Variants in GULP1 observed in about 807,000 individuals in gnomAD.
The protein encoded by GULP1 is PTB domain-containing engulfment adapter protein 1.
GULP1 carries 19 observed loss-of-function variants against 40.9 expected under a neutral mutation model. The observed-to-expected ratio is 0.46, with a 90% CI of 0.32 to 0.68. The LOEUF is 0.68. Ranked by LOEUF, GULP1 falls within the 30% of genes least tolerant of loss-of-function variation. The pLI, the probability that GULP1 is intolerant of heterozygous loss-of-function variation, is 0.03. For synonymous variants in GULP1, 119 were observed against 117.6 expected, an observed-to-expected ratio of 1.01 and a Z score of -0.08; for missense variants, 312 against 362.2, an observed-to-expected ratio of 0.86 and a Z score of 1.12.
At chr2:188,583,882 G>A (rs925822078) in intron 9 of GULP1, among the ~76,000 whole-genome samples, 12 of 152,072 alleles carry the variant, frequency 7.9e-5, no homozygotes, top group African/African-American at 2.7e-4. Flanking sequence ...CTTATGCAGC[G>A]TATCTTACTG....
intron 2 of GULP1, among the ~76,000 whole-genome samples, chr2:188,454,396 G>A (rs140697815): frequency 3.0e-4 from 46 of 152,286 alleles, no homozygotes; most frequent in African/African-American, 1.1e-3. Flanking sequence ...CCACTCAAAG[G>A]TGGGCATGAC....
chr2:188,429,601 A>T (rs1305101405), intron 2 of GULP1, among the ~76,000 whole-genome samples: 1 of 152,226 alleles, frequency 6.6e-6, no homozygotes, highest in Non-Finnish European at 1.5e-5. Context: ...AGCACAAAGT[A>T]GTTTGGTTAA....
intron 7 of GULP1, among the ~76,000 whole-genome samples, chr2:188,547,926 T>A (rs899205804): frequency 6.6e-6 from 1 of 151,946 alleles, no homozygotes. Flanking sequence ...TAAAAGAGAA[T>A]GAACACACAC....
At chr2:188,389,956 CTT>C (rs879579451) in intron 2 of GULP1, among the ~76,000 whole-genome samples, 3 of 145,548 alleles carry the variant, frequency 2.1e-5, no homozygotes, top group Admixed American at 6.9e-5. Flanking sequence ...TTATTTCATC[CTT>C]TTTTTTTTTT....
At chr2:188,403,758 T>A (rs1310425194) in intron 2 of GULP1, among the ~76,000 whole-genome samples, 1 of 152,160 alleles carries the variant, frequency 6.6e-6, no homozygotes, top group East Asian at 1.9e-4. Context: ...AGGCTCCTGA[T>A]TTTTGGAATA....
chr2:188,462,059 C>A (rs1051271101), intron 2 of GULP1, among the ~76,000 whole-genome samples: 2 of 152,010 alleles, frequency 1.3e-5, no homozygotes, highest in African/African-American at 2.4e-5. Flanking sequence ...GTTGGAGTCA[C>A]TTACAGCTAT....
At chr2:188,471,760 T>C (rs1197544817) in intron 2 of GULP1, among the ~76,000 whole-genome samples, 2 of 152,210 alleles carry the variant, frequency 1.3e-5, no homozygotes, top group Non-Finnish European at 2.9e-5. Flanking sequence ...GTTATTATTT[T>C]TGATTGTTTC....
chr2:188,552,680 G>A (rs1693766960), intron 7 of GULP1, among the ~76,000 whole-genome samples: 1 of 151,586 alleles, frequency 6.6e-6, no homozygotes, highest in South Asian at 2.1e-4. Context: ...GATAGGCATT[G>A]CATTGAATCT....
intron 1 of GULP1, among the ~76,000 whole-genome samples, chr2:188,371,499 C>T (rs72909549): frequency 0.011 from 1,733 of 152,170 alleles, 14 homozygotes; most frequent in Non-Finnish European, 0.02. Flanking sequence ...TGTGGTGCTA[C>T]TAACTCATCT....
intron 2 of GULP1, among the ~76,000 whole-genome samples, chr2:188,435,150 C>G (rs984572184): frequency 6.6e-6 from 1 of 151,982 alleles, no homozygotes; most frequent in Non-Finnish European, 1.5e-5. Context: ...CACTCTTATT[C>G]CAGTTTGTCT....
intron 2 of GULP1, among the ~76,000 whole-genome samples, chr2:188,410,768 T>A (rs2053765152): frequency 6.6e-6 from 1 of 152,110 alleles, no homozygotes; most frequent in Non-Finnish European, 1.5e-5. Flanking sequence ...ATGGAAGAGG[T>A]CTGTGGGAGT....
intron 2 of GULP1, among the ~76,000 whole-genome samples, chr2:188,404,124 T>A (rs1273273046): frequency 6.6e-6 from 1 of 152,090 alleles, no homozygotes; most frequent in Non-Finnish European, 1.5e-5. Context: ...CTAAGATTCC[T>A]AATCTAAAAG....
chr2:188,328,366 T>C (rs1203691015), intron 1 of GULP1, among the ~76,000 whole-genome samples: 1 of 152,136 alleles, frequency 6.6e-6, no homozygotes, highest in Non-Finnish European at 1.5e-5. Context: ...CGTCTCTTAA[T>C]GAAACTGGGA....
At chr2:188,343,164 G>C (rs1199618664) in intron 1 of GULP1, among the ~76,000 whole-genome samples, 2 of 151,584 alleles carry the variant, frequency 1.3e-5, no homozygotes, top group Non-Finnish European at 2.9e-5. Context: ...CTACAGAGTG[G>C]AATAGGAAAA....
intron 1 of GULP1, among the ~76,000 whole-genome samples, chr2:188,366,868 C>T (rs1024639422): frequency 6.6e-6 from 1 of 152,198 alleles, no homozygotes; most frequent in Non-Finnish European, 1.5e-5. Flanking sequence ...GCTGGGATTA[C>T]AGGCGTGAGC....
intron 8 of GULP1, 70 bp downstream of exon 8, chr2:188,569,425 C>A: frequency 1.2e-6 from 1 of 824,700 alleles, no homozygotes; most frequent in Non-Finnish European, 2.1e-6. Flanking sequence ...TATCGTCAAA[C>A]AAATTTAGAA....
At chr2:188,389,812 T>C (rs2050274531) in intron 2 of GULP1, among the ~76,000 whole-genome samples, 2 of 152,234 alleles carry the variant, frequency 1.3e-5, no homozygotes, top group South Asian at 4.1e-4. Context: ...CCAAAGTCTC[T>C]TATACCACTC....
At chr2:188,576,497 C>T (rs1180563160) in intron 9 of GULP1, among the ~76,000 whole-genome samples, 1 of 152,048 alleles carries the variant, frequency 6.6e-6, no homozygotes, top group African/African-American at 2.4e-5. Flanking sequence ...TAAATGGAGA[C>T]CACTCCTATT....
At chr2:188,558,666 G>C (rs1158490418) in intron 7 of GULP1, among the ~76,000 whole-genome samples, 5 of 152,186 alleles carry the variant, frequency 3.3e-5, no homozygotes, top group African/African-American at 1.2e-4. Context: ...ACTTCCTGGA[G>C]ACTTGTTGAA....
Sources: allele counts gnomAD v4.1 joint callset (sites outside exome capture counted in the v4.1 genomes callset), GRCh38; gene constraint gnomAD v4.1.1; transcripts MANE v1.5; gene names NCBI Gene and HGNC (gene_info 2026-07-23, HGNC 2026-07-21).